Variants in RASL12 observed in about 807,000 individuals in gnomAD.
RASL12 encodes the protein RAS like family 12.
A neutral mutation model predicts 22.9 loss-of-function variants in RASL12; 16 were observed. The observed-to-expected ratio is 0.70, with a 90% CI of 0.47 to 1.06. The LOEUF is 1.06. RASL12 is among the 50% of genes least tolerant of loss of function. The pLI, the probability that RASL12 is intolerant of heterozygous loss-of-function variation, is 0.00. For missense variants in RASL12, 306 were observed against 353.1 expected (o/e 0.87, Z 1.07); for synonymous variants, 159 against 152.2 (o/e 1.04, Z -0.33).
chr15:65,054,973 C>G lies in RASL12; in HGVS notation c.727G>C (p.Val243Leu). Residue 243 changes from valine (V) to leucine (L), a missense_variant, in exon 5 of 5, where the codon GTG becomes CTG. Coordinates refer to ENST00000220062, the MANE Select transcript of RASL12 (RefSeq NM_016563.4). ...TTGCTCTGGGCCCGGGATGACTTCA[C>G]GGTGACCAGCTTGGCCTGGGCCACA... The part of the protein sequence containing the change: ...PTVAQAKLVT[V>L]KSSRAQSKRK... 6.2e-7 allele frequency: 1 copy of G among 1,614,182 alleles called. No individual in the cohort carries two copies. Among genetic ancestry groups the G allele is most frequent in the Non-Finnish European group, 8.5e-7 (1 of 1,180,018 alleles).
downstream of RASL12, chr15:65,049,301 AC>A (rs2086616555): frequency 2.0e-5 from 3 of 151,400 alleles, no homozygotes; most frequent in South Asian, 6.3e-4. Context: ...CTTGCAAATA[AC>A]AGAAACCAAT....
exon 1 of RASL12, chr15:65,076,615 A>G: frequency 1.4e-6 from 1 of 703,694 alleles, no homozygotes; most frequent in South Asian, 1.5e-5. Flanking sequence ...TAAGGATATG[A>G]GTGATCACAC....
intron 1 of RASL12, among the ~76,000 whole-genome samples, chr15:65,074,107 T>C (rs961664475): frequency 1.3e-5 from 2 of 152,216 alleles, no homozygotes; most frequent in Non-Finnish European, 2.9e-5. Context: ...CAAAAAGAGA[T>C]TGGACTGGCT....
chr15:65,047,234 G>T, the RASL12 span, among the ~76,000 whole-genome samples: 47 of 151,814 alleles, frequency 3.1e-4, no homozygotes, highest in African/African-American at 1.1e-3. Flanking sequence ...TACTCAGGAG[G>T]CTGAGGCAAG....
At position 65,054,734 on chromosome 15, in the gene RASL12, G is replaced by A. The variant is rs890734276; in HGVS notation, c.*165C>T. ...TGGAGGGAACAGAAGCAGCATCCCT[G>A]CCTGCCACTCCAGCTCACACAGTGA... On this transcript the variant is annotated 3_prime_UTR_variant, in exon 5 of 5. Transcript: ENST00000220062. 2.1e-6 allele frequency: 3 copies of A among 1,441,844 alleles called. No individual in the cohort carries two copies. The highest frequency in any genetic ancestry group is 2.8e-5 in the Admixed American group (1 of 36,356). The allele number at this position is 1,441,844 out of a possible 1,614,324, so 89.3% of individuals were successfully genotyped here. A position where few individuals can be genotyped will look rare whatever the true frequency, so the allele number is the denominator to read the frequency against.
chr15:65,068,510 G>C (rs527546321), upstream of RASL12, among the ~76,000 whole-genome samples: 1 of 152,302 alleles, frequency 6.6e-6, no homozygotes, highest in East Asian at 1.9e-4. This position sits in a 1 kb window ranked among gnomAD's most constrained non-coding sequence, Gnocchi z 4.2. Flanking sequence ...GAGAGGGGGC[G>C]GGGCGGAGAG....
At chr15:65,060,359 A>G (rs2086787025) in intron 2 of RASL12, among the ~76,000 whole-genome samples, 1 of 152,186 alleles carries the variant, frequency 6.6e-6, no homozygotes, top group Non-Finnish European at 1.5e-5. Flanking sequence ...AAAATAGTAG[A>G]GTTCCTGTGT....
upstream of RASL12, among the ~76,000 whole-genome samples, chr15:65,070,051 A>C (rs535094956): frequency 3.8e-4 from 58 of 152,312 alleles, no homozygotes; most frequent in African/African-American, 1.3e-3. Context: ...TCTGTTCCTC[A>C]TCTTCAAAAT....
At chr15:65,064,783 G>A (rs759031860) in intron 2 of RASL12, among the ~76,000 whole-genome samples, 1 of 151,944 alleles carries the variant, frequency 6.6e-6, no homozygotes, top group East Asian at 1.9e-4. Flanking sequence ...TTTTAGAGAC[G>A]GAGTTTCACC....
intron 4 of RASL12, 95 bp from the exon 5 acceptor site, chr15:65,055,369 G>C: frequency 8.9e-7 from 1 of 1,127,668 alleles, no homozygotes. Flanking sequence ...GGACTAGCTG[G>C]GTGGCCTGGG....
chr15:65,048,603 GT>G (rs2086606375), downstream of RASL12, among the ~76,000 whole-genome samples: 1 of 152,168 alleles, frequency 6.6e-6, no homozygotes, highest in African/African-American at 2.4e-5. Context: ...TAATTGATCT[GT>G]TCAAAACACT....
intron 1 of RASL12, among the ~76,000 whole-genome samples, chr15:65,075,315 A>C (rs774011493): frequency 6.6e-6 from 1 of 152,158 alleles, no homozygotes; most frequent in Non-Finnish European, 1.5e-5. Context: ...CATCCACTCC[A>C]TGGGCTCCTG....
chr15:65,062,296 A>G (rs968444003), intron 2 of RASL12, among the ~76,000 whole-genome samples: 2 of 152,046 alleles, frequency 1.3e-5, no homozygotes, highest in Admixed American at 6.5e-5. Context: ...TAACAGCCAC[A>G]CCCCAGAAAA....
downstream of RASL12, chr15:65,049,576 C>T (rs139181205): frequency 3.4e-3 from 519 of 153,526 alleles, 4 homozygotes; most frequent in Middle Eastern, 0.01. Context: ...CGTGGGCGCG[C>T]TGTGGGCTCG....
At chr15:65,049,795 T>TG, downstream of RASL12, 1 of 431,118 alleles carries the variant, frequency 2.3e-6, no homozygotes, top group Non-Finnish European at 4.2e-6. Context: ...GTTCGGGTCG[T>TG]TTTTGTCCCA....
chr15:65,073,274 T>C (rs117950303), intron 1 of RASL12, among the ~76,000 whole-genome samples: 1,669 of 152,312 alleles, frequency 0.011, 15 homozygotes, highest in Non-Finnish European at 0.013. Flanking sequence ...TCTATTATTA[T>C]TATAACATAT....
At chr15:65,063,208 CAA>C (rs11346505) in intron 2 of RASL12, among the ~76,000 whole-genome samples, 54,810 of 149,882 alleles carry the variant, frequency 0.37, 10,794 homozygotes, top group South Asian at 0.55. Context: ...ATCTGAATCT[CAA>C]AAAAAAAAAA....
intron 4 of RASL12, among the ~76,000 whole-genome samples, chr15:65,055,864 A>G (rs1373535057): frequency 2.0e-5 from 3 of 152,214 alleles, no homozygotes; most frequent in Non-Finnish European, 2.9e-5. Context: ...TTGCAGATTC[A>G]AGCTCATCAT....
rs766847971 is a variant in RASL12, at chr15:65,055,298, AGG to A, written c.426-26_426-25del. ...GCCTGGTGAGGAAGCAGTGTGAGGC[AGG>A]GAGTTAGGAGCAGGCTGTGCCAAGT... is the stretch of plus-strand genomic sequence containing the variant. On this transcript the variant is annotated intron_variant, in intron 4 of 4. Transcript: ENST00000220062. 9.9e-6 allele frequency: 15 copies of A among 1,517,234 alleles called. No individual in the cohort carries two copies. In the South Asian group the frequency reaches 1.9e-4, roughly 19 times the overall value. 94.0% of individuals were successfully genotyped at this position (1,517,234 alleles called of 1,614,324 possible). A position where few individuals can be genotyped will look rare whatever the true frequency, so the allele number is the denominator to read the frequency against.
Sources: allele counts gnomAD v4.1 joint callset (sites outside exome capture counted in the v4.1 genomes callset), GRCh38; gene constraint gnomAD v4.1.1; non-coding constraint Gnocchi (gnomAD v3.1); transcripts MANE v1.5; gene names NCBI Gene and HGNC (gene_info 2026-07-23, HGNC 2026-07-21).